BMAL1: variants seen among roughly 807,000 people sequenced by gnomAD.
BMAL1 encodes basic helix-loop-helix ARNT-like protein 1.
At chr11:13,376,331 C>T in the BMAL1 span, among the ~76,000 whole-genome samples, 23,388 of 152,120 alleles carry the variant, frequency 0.15, 2,070 homozygotes, top group Admixed American at 0.22. Context: ...TGTGAGGGGC[C>T]GGGGCTAGGT....
At chr11:13,306,726 C>T in the BMAL1 span, among the ~76,000 whole-genome samples, 1 of 152,218 alleles carries the variant, frequency 6.6e-6, no homozygotes, top group African/African-American at 2.4e-5. Context: ...CCTGTTGGGA[C>T]TCCAGCTAGC....
the BMAL1 span, among the ~76,000 whole-genome samples, chr11:13,339,324 C>T: frequency 6.6e-6 from 1 of 152,132 alleles, no homozygotes. Flanking sequence ...TGTCTAGAAT[C>T]CAGCTGCTTC....
chr11:13,371,335 G>A, the BMAL1 span, among the ~76,000 whole-genome samples: 1 of 151,314 alleles, frequency 6.6e-6, no homozygotes, highest in African/African-American at 2.5e-5. Flanking sequence ...ATCCAGAAAA[G>A]TTAGAGTCAT....
the BMAL1 span, among the ~76,000 whole-genome samples, chr11:13,314,274 CTG>C: frequency 2.0e-5 from 3 of 151,826 alleles, no homozygotes; most frequent in African/African-American, 7.3e-5. Flanking sequence ...CACACACACT[CTG>C]TCTCTCTCTC....
the BMAL1 span, among the ~76,000 whole-genome samples, chr11:13,307,516 A>G: frequency 1.3e-5 from 2 of 152,338 alleles, no homozygotes. Context: ...AGATGGAGGC[A>G]AGGAGAAGGG....
chr11:13,350,185 T>G, the BMAL1 span: 2 of 152,158 alleles, frequency 1.3e-5, no homozygotes, highest in African/African-American at 4.8e-5. Flanking sequence ...AAACTTGGGG[T>G]ATTCTACCTC....
chr11:13,319,254 G>A, the BMAL1 span, among the ~76,000 whole-genome samples: 1 of 152,196 alleles, frequency 6.6e-6, no homozygotes, highest in Non-Finnish European at 1.5e-5. Context: ...TGTATTGATA[G>A]ACACTCAGGT....
chr11:13,356,377 G>C, the BMAL1 span: 41 of 483,236 alleles, frequency 8.5e-5, no homozygotes, highest in Non-Finnish European at 1.2e-4. Flanking sequence ...CAGAATGATG[G>C]GGGGGGAGAA....
the BMAL1 span, among the ~76,000 whole-genome samples, chr11:13,342,313 A>G: frequency 3.2e-3 from 489 of 152,334 alleles, 1 homozygote; most frequent in Middle Eastern, 6.8e-3. Context: ...CATGAACCTC[A>G]GAGCCTGGGC....
the BMAL1 span, among the ~76,000 whole-genome samples, chr11:13,346,732 A>G: frequency 2.0e-5 from 3 of 152,162 alleles, no homozygotes; most frequent in Non-Finnish European, 4.4e-5. Context: ...CTGGCGGTCC[A>G]GCATGCCTCC....
At chr11:13,356,143 C>T in the BMAL1 span, among the ~76,000 whole-genome samples, 248 of 152,282 alleles carry the variant, frequency 1.6e-3, 1 homozygote, top group South Asian at 0.011. Flanking sequence ...AGCCCCACTA[C>T]GCCCCTCCAT....
the BMAL1 span, among the ~76,000 whole-genome samples, chr11:13,311,067 G>C: frequency 6.6e-6 from 1 of 152,254 alleles, no homozygotes; most frequent in Non-Finnish European, 1.5e-5. Flanking sequence ...GTTTAAGCTT[G>C]CTTGTTTACG....
chr11:13,356,376 G>C, the BMAL1 span: 3 of 441,038 alleles, frequency 6.8e-6, no homozygotes, highest in African/African-American at 9.2e-5. Flanking sequence ...CCAGAATGAT[G>C]GGGGGGGAGA....
At chr11:13,340,772 A>G in the BMAL1 span, among the ~76,000 whole-genome samples, 1 of 152,096 alleles carries the variant, frequency 6.6e-6, no homozygotes, top group Non-Finnish European at 1.5e-5. Flanking sequence ...CTGAGTTTGC[A>G]TCTCCTGACA....
At chr11:13,302,113 G>A in the BMAL1 span, among the ~76,000 whole-genome samples, 1 of 152,180 alleles carries the variant, frequency 6.6e-6, no homozygotes, top group Admixed American at 6.5e-5. Flanking sequence ...GGAGAGGTGG[G>A]GATGGGAGGA....
the BMAL1 span, among the ~76,000 whole-genome samples, chr11:13,304,549 G>A: frequency 2.0e-5 from 3 of 152,192 alleles, no homozygotes; most frequent in African/African-American, 7.2e-5. Context: ...GCACAGATGG[G>A]CAATTCCCAT....
At chr11:13,353,668 A>G in the BMAL1 span, 9 of 152,086 alleles carry the variant, frequency 5.9e-5, no homozygotes, top group African/African-American at 2.2e-4. Context: ...AAATACAAAT[A>G]TTAGCCAGGT....
chr11:13,384,526 T>A, the BMAL1 span, among the ~76,000 whole-genome samples: 1 of 152,214 alleles, frequency 6.6e-6, no homozygotes. Flanking sequence ...GTGTCAAGTT[T>A]TGAAGTGGTA....
At chr11:13,310,524 C>T in the BMAL1 span, among the ~76,000 whole-genome samples, 4 of 152,192 alleles carry the variant, frequency 2.6e-5, no homozygotes, top group Non-Finnish European at 4.4e-5. Context: ...GATTCTAGTC[C>T]ATCAGCAAAC....
Sources: gnomAD v4.1 joint callset for allele counts (sites outside exome capture counted in the v4.1 genomes callset) on GRCh38, gnomAD v4.1.1 for gene constraint, MANE v1.5 for transcripts, NCBI Gene and HGNC (gene_info 2026-07-23, HGNC 2026-07-21) for gene names.